Variants in SRSF7 observed in about 807,000 individuals in gnomAD.
SRSF7 encodes the protein serine/arginine-rich splicing factor 7.
SRSF7 carries 15 observed loss-of-function variants against 42.2 expected under a neutral mutation model. That is an observed-to-expected ratio of 0.36 (90% CI 0.24 to 0.55). SRSF7 has a LOEUF of 0.55. Ranked by LOEUF, SRSF7 falls within the 20% of genes least tolerant of loss-of-function variation. The pLI is 0.88. For synonymous variants in SRSF7, 138 were observed against 107.9 expected (o/e 1.28, Z -1.73); for missense variants, 181 against 305.9 (o/e 0.59, Z 3.04).
At chr2:38,747,232 T>C (rs3108670) in intron 5 of SRSF7, 2 of 355,072 alleles carry the variant, frequency 5.6e-6, no homozygotes, top group South Asian at 2.1e-5. Flanking sequence ...GCTTTATTCC[T>C]GGATCAAGTT....
At chr2:38,750,925 G>GA in intron 1 of SRSF7, 1 of 383,992 alleles carries the variant, frequency 2.6e-6, no homozygotes, top group South Asian at 2.8e-5. Context: ...GCCGAGGGCG[G>GA]GGGGGGAGGG....
intron 2 of SRSF7, 26 bp downstream of exon 2, chr2:38,749,988 C>T (rs765444092): frequency 1.3e-6 from 2 of 1,585,786 alleles, no homozygotes; most frequent in South Asian, 1.2e-5. Context: ...TTTTAATGAA[C>T]AGAAGATTCA....
chr2:38,746,329 A>G (rs1355557514), intron 6 of SRSF7, 150 bp from the exon 7 acceptor site: 3 of 907,290 alleles, frequency 3.3e-6, no homozygotes, highest in Non-Finnish European at 5.1e-6. Flanking sequence ...GTTGCTAACA[A>G]AAGCCAATCT....
intron 4 of SRSF7, 48 bp downstream of exon 4, chr2:38,748,531 G>C: frequency 6.4e-7 from 1 of 1,571,830 alleles, no homozygotes; most frequent in East Asian, 2.2e-5. Flanking sequence ...TGGACTACCA[G>C]TGAATTTAAT....
Position 38,744,975 on chromosome 2 carries a change from T to C in SRSF7, c.*158A>G. Reference sequence around the variant, plus strand: ...TATGATGTTAATACATTCAACAAAATTTATATTATCTTACTGCTGTGAATT... The same window carrying C: ...TATGATGTTAATACATTCAACAAAACTTATATTATCTTACTGCTGTGAATT... On this transcript the variant is annotated 3_prime_UTR_variant, in exon 8 of 8. Coordinates refer to ENST00000313117, the MANE Select transcript of SRSF7 (RefSeq NM_001031684.3). 1.5e-6 allele frequency: 1 copy of C among 677,340 alleles called. No homozygotes were observed. Among genetic ancestry groups the C allele is most frequent in the Non-Finnish European group, 2.4e-6 (1 of 424,006 alleles). 42.0% of individuals were successfully genotyped at this position (677,340 alleles called of 1,614,324 possible). A position where few individuals can be genotyped will look rare whatever the true frequency, so the allele number is the denominator to read the frequency against.
At position 38,751,104 on chromosome 2, in the gene SRSF7, G is replaced by T. The variant is rs1668281941; in HGVS notation, c.28+125C>A. On this transcript the variant is annotated intron_variant, in intron 1 of 7. Transcript: ENST00000313117. The stretch of plus-strand genomic sequence containing the variant: ...GCCTCCGCTGCCTCCGGCTTCGTCT[G>T]GCGTGCTCCTAAGCCGCCATTACGC... 2.3e-6 allele frequency: 3 copies of T among 1,307,096 alleles called. No homozygotes were observed. The South Asian group carries it at 3.6e-5, about 16-fold the overall frequency. The allele number at this position is 1,307,096 out of a possible 1,614,324, so 81.0% of individuals were successfully genotyped here.
Position 38,748,611 on chromosome 2 carries a change from G to A in SRSF7, c.429C>T (p.Tyr143=). The A allele has an allele frequency of 6.2e-7, 1 of 1,614,202 alleles. No individual in the cohort carries two copies. The highest frequency in any genetic ancestry group is 8.5e-7 in the Non-Finnish European group (1 of 1,180,032). Residue 143 remains tyrosine, a synonymous_variant, in exon 4 of 8, where the codon TAC becomes TAT. Transcript: ENST00000313117. The stretch of plus-strand genomic sequence containing the variant: ...CCCTGCTCCTGCTGCGTGAGCGAGA[G>A]TATCGCCTTCCTCTGGATCGAGAAT... The part of the protein sequence containing the change: ...RSHSRSRGRR[Y]SRSRSRSRGR...
chr2:38,746,002 T>A (rs927835389), intron 7 of SRSF7, 142 bp downstream of exon 7: 11 of 731,344 alleles, frequency 1.5e-5, no homozygotes, highest in African/African-American at 1.8e-5. Context: ...AAAAAAAAAG[T>A]ATTTCAGAAA....
intron 5 of SRSF7, 39 bp downstream of exon 5, chr2:38,748,008 A>G (rs1334090898): frequency 2.4e-5 from 35 of 1,452,962 alleles, no homozygotes; most frequent in Non-Finnish European, 3.1e-5. Flanking sequence ...TAAGATGTGA[A>G]CAATCCAAAC....
Position 38,748,888 on chromosome 2 carries a change from T to C in SRSF7, c.387-235A>G. On this transcript the variant is annotated intron_variant, in intron 3 of 7. Coordinates refer to ENST00000313117, the MANE Select transcript of SRSF7 (RefSeq NM_001031684.3). ...AATATAAAACACTGTAATGTGTATTTAAAATAAACCTTGCAAGTTTGCAGG... is the reference window on the plus strand; with the variant it reads ...AATATAAAACACTGTAATGTGTATTCAAAATAAACCTTGCAAGTTTGCAGG... 2.2e-6 allele frequency: 3 copies of C among 1,394,070 alleles called. No homozygotes were observed. In the South Asian group the frequency reaches 4.6e-5, roughly 21 times the overall value. The allele number at this position is 1,394,070 out of a possible 1,614,324, so 86.4% of individuals were successfully genotyped here. A position where few individuals can be genotyped will look rare whatever the true frequency, so the allele number is the denominator to read the frequency against.
Position 38,746,161 on chromosome 2 carries a change from A to C in SRSF7, c.645T>G (p.Ser215=). 1 of 1,614,124 alleles carries C rather than the reference A, an allele frequency of 6.2e-7. No individual in the cohort carries two copies. The highest frequency in any genetic ancestry group is 1.7e-5 in the Admixed American group (1 of 60,016). The stretch of plus-strand genomic sequence containing the variant: ...TAGCTTACCTTCTTTTTGGAGATGG[A>C]GATCTGGACTTTGATCGGCTGTCAA... ...RPRSSRSKSR[S]PSPKRSRSPS... Residue 215 remains serine, a synonymous_variant, in exon 7 of 8, where the codon TCT becomes TCG. Transcript: ENST00000313117.
In SRSF7 at chr2:38,746,154, G is replaced by C; in HGVS notation, c.652C>G (p.Pro218Ala). The C allele has an allele frequency of 6.2e-7, 1 of 1,614,088 alleles. No homozygotes were observed. Among genetic ancestry groups the C allele is most frequent in the Middle Eastern group, 1.7e-4 (1 of 6,060 alleles). ...AAACATTTAGCTTACCTTCTTTTTG[G>C]AGATGGAGATCTGGACTTTGATCGG... is the stretch of plus-strand genomic sequence containing the variant. ...SSRSKSRSPS[P>A]KRSRSPSGSP... The change falls in exon 7 of 8, where the codon CCA (proline) becomes GCA (alanine). Residue 218 changes from proline to alanine, a missense_variant. Physicochemically the swap from Pro to Ala is conservative, Grantham distance 27. Coordinates refer to ENST00000313117, the MANE Select transcript of SRSF7 (RefSeq NM_001031684.3).
rs144295783 is a variant in SRSF7, at chr2:38,748,012, T to A, written c.572+35A>T. ...CACTCTACTGATAAGATGTGAACAATCCAAACACAAGTAAGGAAAAAAAGT... is the reference window on the plus strand; with the variant it reads ...CACTCTACTGATAAGATGTGAACAAACCAAACACAAGTAAGGAAAAAAAGT... On this transcript the variant is annotated intron_variant, in intron 5 of 7. Transcript: ENST00000313117. 1,732 of 1,492,938 alleles carry A rather than the reference T, an allele frequency of 1.2e-3. 13 individuals are homozygous for A. The highest frequency in any genetic ancestry group is 7.4e-3 in the South Asian group (646 of 87,618). The allele number at this position is 1,492,938 out of a possible 1,614,324, so 92.5% of individuals were successfully genotyped here.
chr2:38,744,600 CCTA>C lies in SRSF7; in HGVS notation c.*530_*532del. 1 of 153,342 alleles carries C rather than the reference CCTA, an allele frequency of 6.5e-6. No individual in the cohort carries two copies. Among genetic ancestry groups the C allele is most frequent in the Non-Finnish European group, 1.5e-5 (1 of 68,842 alleles). 9.5% of individuals were successfully genotyped at this position (153,342 alleles called of 1,614,324 possible). A position where few individuals can be genotyped will look rare whatever the true frequency, so the allele number is the denominator to read the frequency against. On this transcript the variant is annotated 3_prime_UTR_variant, in exon 8 of 8. Coordinates refer to ENST00000313117, the MANE Select transcript of SRSF7 (RefSeq NM_001031684.3). The stretch of plus-strand genomic sequence containing the variant: ...TTGCTTCACCACTGATCATACAATA[CCTA>C]CTAACACCAACTTCAAACGGATTAG...
intron 3 of SRSF7, 76 bp from the exon 4 acceptor site, chr2:38,748,729 A>G: frequency 1.4e-6 from 2 of 1,450,140 alleles, no homozygotes; most frequent in Non-Finnish European, 1.9e-6. Context: ...CTCTGCTGAA[A>G]TCAAATCTCA....
Position 38,744,811 on chromosome 2 carries a change from T to C in SRSF7, c.*322A>G. 103 of 254,556 alleles carry C rather than the reference T, an allele frequency of 4.0e-4. 1 individual carries two copies. In the East Asian group the frequency reaches 8.0e-3, roughly 20 times the overall value. The allele number at this position is 254,556 out of a possible 1,614,324, so 15.8% of individuals were successfully genotyped here. Reference sequence around the variant, plus strand: ...CCTTTCAATTCTGAATGTAGGTATGTATGAATAAGGTTAACAATTATAATG... The same window carrying C: ...CCTTTCAATTCTGAATGTAGGTATGCATGAATAAGGTTAACAATTATAATG... On this transcript the variant is annotated 3_prime_UTR_variant, in exon 8 of 8. Coordinates refer to ENST00000313117, the MANE Select transcript of SRSF7 (RefSeq NM_001031684.3).
intron 2 of SRSF7, 71 bp downstream of exon 2, chr2:38,749,943 A>C: frequency 6.7e-7 from 1 of 1,494,170 alleles, no homozygotes; most frequent in Non-Finnish European, 9.0e-7. Context: ...CAGAATCCAA[A>C]TTTAGCACTA....
intron 3 of SRSF7, chr2:38,749,127 T>C: frequency 7.6e-7 from 1 of 1,316,906 alleles, no homozygotes; most frequent in Non-Finnish European, 1.0e-6. Flanking sequence ...GCCCCAATTG[T>C]AAGCCAAATT....
intron 5 of SRSF7, 73 bp downstream of exon 5, chr2:38,747,974 T>C (rs1184264219): frequency 9.5e-7 from 1 of 1,052,756 alleles, no homozygotes; most frequent in Non-Finnish European, 1.4e-6. Context: ...CCATTTGAAT[T>C]ATGTCCTTAA....
Sources: gnomAD v4.1 joint callset for allele counts on GRCh38, gnomAD v4.1.1 for gene constraint, MANE v1.5 for transcripts, NCBI Gene and HGNC (gene_info 2026-07-23, HGNC 2026-07-21) for gene names.